The following INPP5B variants were observed in gnomAD, a reference collection of about 807,000 sequenced individuals.
The protein encoded by INPP5B is inositol polyphosphate-5-phosphatase B.
Under a neutral mutation model 118.5 loss-of-function variants are expected in INPP5B, and 90 were observed. That is an observed-to-expected ratio of 0.76 (90% CI 0.64 to 0.90). INPP5B has a LOEUF of 0.90. Among genes scored for constraint, INPP5B ranks in the 40% least tolerant of loss-of-function variants. The pLI is 0.00. For missense variants in INPP5B, 984 were observed against 1,125.6 expected (o/e 0.87, Z 1.80); for synonymous variants, 385 against 418.9 (o/e 0.92, Z 0.99).
intron 15 of INPP5B, among the ~76,000 whole-genome samples, chr1:37,879,523 T>C (rs1643063871): frequency 6.6e-6 from 1 of 151,616 alleles, no homozygotes; most frequent in South Asian, 2.1e-4. Flanking sequence ...AACTACTGAC[T>C]TTGGGAGGCT....
chr1:37,926,234 C>A (rs1480396760), intron 7 of INPP5B, among the ~76,000 whole-genome samples: 1 of 152,048 alleles, frequency 6.6e-6, no homozygotes, highest in Admixed American at 6.6e-5. Flanking sequence ...TTTCCTGGGT[C>A]CAGAAGAAAA....
At chr1:37,865,922 T>G in intron 21 of INPP5B, 34 bp from the exon 22 acceptor site, 1 of 1,607,114 alleles carries the variant, frequency 6.2e-7, no homozygotes, top group Non-Finnish European at 8.5e-7. Context: ...CCGATAATGC[T>G]GCTGTCCATG....
chr1:37,863,440 G>A (rs926367175), intron 23 of INPP5B, among the ~76,000 whole-genome samples: 6 of 151,910 alleles, frequency 3.9e-5, no homozygotes, highest in African/African-American at 9.7e-5. Context: ...GCTTGAACCC[G>A]GGTGGCGGAG....
intron 13 of INPP5B, chr1:37,883,705 G>A (rs984589468): frequency 8.1e-6 from 8 of 985,238 alleles, no homozygotes; most frequent in African/African-American, 3.5e-5. Context: ...GGAAGAGCTC[G>A]GCTGCAAGAC....
At chr1:37,879,252 C>T (rs1643042449) in intron 15 of INPP5B, among the ~76,000 whole-genome samples, 1 of 149,250 alleles carries the variant, frequency 6.7e-6, no homozygotes, top group South Asian at 2.1e-4. Context: ...AGCCTGGCGA[C>T]AGAGTGAGAC....
At chr1:37,918,104 C>T (rs1422832468) in intron 7 of INPP5B, among the ~76,000 whole-genome samples, 2 of 152,194 alleles carry the variant, frequency 1.3e-5, no homozygotes, top group East Asian at 3.8e-4. Flanking sequence ...CTTGGCCCCC[C>T]AGAGAGAGTT....
At chr1:37,891,146 GA>G (rs1194089539) in intron 8 of INPP5B, among the ~76,000 whole-genome samples, 81 of 150,718 alleles carry the variant, frequency 5.4e-4, no homozygotes, top group African/African-American at 1.9e-3. Flanking sequence ...AGAATCACTT[GA>G]ACCCAGGAGG....
intron 13 of INPP5B, chr1:37,884,386 T>C (rs1402022387): frequency 6.6e-6 from 1 of 151,976 alleles, no homozygotes; most frequent in Non-Finnish European, 1.5e-5. Flanking sequence ...CCCTTTCTCT[T>C]ATCTTCCTGC....
At position 37,861,216 on chromosome 1, in the gene INPP5B, G is replaced by C. The variant is rs577590255; in HGVS notation, c.*1099C>G. On this transcript the variant is annotated 3_prime_UTR_variant, in exon 24 of 24. Transcript: ENST00000373024. ...GAGCCATTATCTGGGCAGGAACGGG[G>C]GTCGAGTTTGCATATGCATATACAC... 6.6e-6 allele frequency: 1 copy of C among 152,170 alleles called. No homozygotes were observed. The highest frequency in any genetic ancestry group is 2.4e-5 in the African/African-American group (1 of 41,438). 9.4% of individuals were successfully genotyped at this position (152,170 alleles called of 1,614,324 possible). A position where few individuals can be genotyped will look rare whatever the true frequency, so the allele number is the denominator to read the frequency against.
chr1:37,895,530 C>T (rs891802289), intron 7 of INPP5B, among the ~76,000 whole-genome samples: 1 of 151,698 alleles, frequency 6.6e-6, no homozygotes, highest in African/African-American at 2.4e-5. Context: ...GTCTCCCTCT[C>T]CCTCTCTTTC....
At chr1:37,927,067 T>C (rs1482363418) in intron 7 of INPP5B, among the ~76,000 whole-genome samples, 1 of 152,098 alleles carries the variant, frequency 6.6e-6, no homozygotes, top group Non-Finnish European at 1.5e-5. Context: ...GGCGGGCAGA[T>C]CACAAGGTCA....
intron 7 of INPP5B, among the ~76,000 whole-genome samples, chr1:37,921,697 A>T (rs1020065342): frequency 5.9e-5 from 9 of 152,082 alleles, no homozygotes; most frequent in African/African-American, 1.7e-4. Context: ...AAATACAAAA[A>T]TTTTTTAAAA....
At chr1:37,880,510 T>C (rs1194040684) in intron 14 of INPP5B, among the ~76,000 whole-genome samples, 2 of 152,148 alleles carry the variant, frequency 1.3e-5, no homozygotes, top group Non-Finnish European at 2.9e-5. Context: ...CAATCTCGGC[T>C]CACCGCAACC....
chr1:37,896,045 C>T (rs1217348744), intron 7 of INPP5B, among the ~76,000 whole-genome samples: 3 of 148,866 alleles, frequency 2.0e-5, no homozygotes, highest in Non-Finnish European at 3.0e-5. Flanking sequence ...TCTGCCCGGC[C>T]GCCATCCCAT....
rs143484516 is a variant in INPP5B, at chr1:37,933,837, C to T, written c.392-1784G>A. Among the ~76,000 whole-genome samples the T allele has an allele frequency of 1.0e-3, 151 of 151,274 alleles. 1 individual carries two copies. In the East Asian group the frequency reaches 0.029, roughly 29 times the overall value. ...TGGGATCTGCACTGAAATCTCTGAA[C>T]TCCGAGGGCTTTGGCATCAGAAACT... On this transcript the variant is annotated intron_variant, in intron 6 of 23. Transcript: ENST00000373024.
intron 7 of INPP5B, among the ~76,000 whole-genome samples, chr1:37,893,987 TCATA>T (rs1570142022): frequency 6.6e-6 from 1 of 152,216 alleles, no homozygotes; most frequent in East Asian, 1.9e-4. Context: ...GCTTTGCAGG[TCATA>T]CAGTCTCTTG....
At chr1:37,932,401 C>T (rs1176044295) in intron 6 of INPP5B, among the ~76,000 whole-genome samples, 1 of 129,202 alleles carries the variant, frequency 7.7e-6, no homozygotes, top group South Asian at 2.3e-4. Flanking sequence ...CGGAGTCTCG[C>T]TCTGTCGCCT....
chr1:37,912,795 T>TC (rs1644744210), intron 7 of INPP5B, among the ~76,000 whole-genome samples: 2 of 152,162 alleles, frequency 1.3e-5, no homozygotes, highest in South Asian at 2.1e-4. Flanking sequence ...ATTCCCATTC[T>TC]TATGCCATCC....
intron 7 of INPP5B, among the ~76,000 whole-genome samples, chr1:37,900,084 T>TTTTTTC (rs1644274679): frequency 6.7e-6 from 1 of 148,478 alleles, no homozygotes. Flanking sequence ...TTTTTTTTTT[T>TTTTTTC]TTTTTTTTTT....
Sources: gnomAD v4.1 joint callset for allele counts (sites outside exome capture counted in the v4.1 genomes callset) on GRCh38, gnomAD v4.1.1 for gene constraint, MANE v1.5 for transcripts, NCBI Gene and HGNC (gene_info 2026-07-23, HGNC 2026-07-21) for gene names.